CNIH3: variants seen among roughly 807,000 people sequenced by gnomAD.
The protein encoded by CNIH3 is cornichon family AMPA receptor auxiliary protein 3, also known as protein cornichon homolog 3.
CNIH3 carries 14 observed loss-of-function variants against 24.1 expected under a neutral mutation model. The observed-to-expected ratio is 0.58, with a 90% CI of 0.38 to 0.91. The LOEUF (loss-of-function observed/expected upper bound fraction) is 0.91, where lower values mean the gene tolerates loss of function less well. Ranked by LOEUF, CNIH3 falls within the 40% of genes least tolerant of loss-of-function variation. The pLI is 0.00. For synonymous variants in CNIH3, 68 were observed against 73.8 expected, an observed-to-expected ratio of 0.92 and a Z score of 0.40; for missense variants, 178 against 196.8, an observed-to-expected ratio of 0.90 and a Z score of 0.57.
At chr1:224,596,900 C>T (rs1682003269) in intron 3 of CNIH3, among the ~76,000 whole-genome samples, 1 of 152,110 alleles carries the variant, frequency 6.6e-6, no homozygotes, top group Non-Finnish European at 1.5e-5. Context: ...CACCTGTAAT[C>T]CCAGCACTTT....
chr1:224,530,592 T>C (rs1251782080), intron 2 of CNIH3, among the ~76,000 whole-genome samples: 1 of 149,100 alleles, frequency 6.7e-6, no homozygotes, highest in African/African-American at 2.5e-5. Context: ...CCTACATTTC[T>C]TTTTTTTTTC....
At chr1:224,722,542 C>T (rs555017577) in intron 3 of CNIH3, among the ~76,000 whole-genome samples, 80 of 152,152 alleles carry the variant, frequency 5.3e-4, no homozygotes, top group African/African-American at 1.9e-3. Context: ...TAACAAGATC[C>T]CAGGAGAAAC....
At chr1:224,579,220 A>G (rs1228690718) in intron 4 of CNIH3, among the ~76,000 whole-genome samples, 1 of 151,754 alleles carries the variant, frequency 6.6e-6, no homozygotes, top group Non-Finnish European at 1.5e-5. Context: ...TTGTCTTTTC[A>G]TAAGCTCTGT....
intron 2 of CNIH3, among the ~76,000 whole-genome samples, chr1:224,524,554 G>A (rs1388047906): frequency 6.6e-6 from 1 of 152,098 alleles, no homozygotes; most frequent in Non-Finnish European, 1.5e-5. Context: ...CAAAAACAGG[G>A]GCATAATTTT....
chr1:224,710,697 A>G (rs1363650985), intron 3 of CNIH3, among the ~76,000 whole-genome samples: 1 of 152,198 alleles, frequency 6.6e-6, no homozygotes, highest in Non-Finnish European at 1.5e-5. Context: ...AGAGAGATGC[A>G]TAAGTTACAG....
At chr1:224,574,950 T>G (rs1558174690) in intron 4 of CNIH3, 4 of 907,880 alleles carry the variant, frequency 4.4e-6, no homozygotes, top group Admixed American at 1.7e-5. Flanking sequence ...TGAGAGGATC[T>G]TAAACAAACC....
At chr1:224,695,394 A>C (rs915258953) in intron 3 of CNIH3, among the ~76,000 whole-genome samples, 9 of 124,218 alleles carry the variant, frequency 7.2e-5, no homozygotes, top group African/African-American at 2.1e-4. Context: ...ACACACACAC[A>C]CCCCTGTTGG....
rs189134215 is a variant in CNIH3, at chr1:224,709,158, G to A, written c.199-21304G>A. ...CACTTGTGCTCCTGAGTAAGTGTGGGCTCTCCCCTAAGTGTGGGCCCTCCC... is the reference window on the plus strand; with the variant it reads ...CACTTGTGCTCCTGAGTAAGTGTGGACTCTCCCCTAAGTGTGGGCCCTCCC... On this transcript the variant is annotated intron_variant, in intron 3 of 5. Transcript: ENST00000272133. 2.4e-3 allele frequency among the ~76,000 whole-genome samples: 352 copies of A among 149,598 alleles called. 2 individuals are homozygous for A. In the Middle Eastern group the frequency reaches 0.027, roughly 12 times the overall value.
At chr1:224,603,748 G>A (rs776365757) in intron 3 of CNIH3, among the ~76,000 whole-genome samples, 17 of 152,050 alleles carry the variant, frequency 1.1e-4, no homozygotes, top group Admixed American at 2.6e-4. Flanking sequence ...TTGTACTGAC[G>A]CTTGCACGGT....
chr1:224,633,848 C>T (rs924362), intron 1 of CNIH3, among the ~76,000 whole-genome samples: 67,941 of 152,082 alleles, frequency 0.45, 15,449 homozygotes, highest in East Asian at 0.6. Context: ...ATCACTGCTT[C>T]GGCTCTTTGG....
At chr1:224,541,868 A>C (rs145828773), downstream of CNIH3, among the ~76,000 whole-genome samples, 38 of 152,310 alleles carry the variant, frequency 2.5e-4, no homozygotes, top group Non-Finnish European at 2.9e-4. Context: ...AAAAAATCTT[A>C]ATGTCTCTCA....
At chr1:224,605,784 T>A (rs1168314530) in intron 3 of CNIH3, among the ~76,000 whole-genome samples, 2 of 152,058 alleles carry the variant, frequency 1.3e-5, no homozygotes, top group Non-Finnish European at 2.9e-5. Context: ...CCCCTACTAA[T>A]CAGCATTTTC....
chr1:224,610,971 T>C (rs915668839), intron 3 of CNIH3, among the ~76,000 whole-genome samples: 1 of 152,196 alleles, frequency 6.6e-6, no homozygotes, highest in African/African-American at 2.4e-5. Context: ...AAAACCTGAC[T>C]AGAGCAGTAT....
chr1:224,567,291 G>A (rs1680621304), intron 4 of CNIH3, among the ~76,000 whole-genome samples: 1 of 152,118 alleles, frequency 6.6e-6, no homozygotes, highest in Non-Finnish European at 1.5e-5. Context: ...TGGATAGATT[G>A]CAAAAATTTT....
At chr1:224,680,489 A>G (rs1686347199) in intron 1 of CNIH3, among the ~76,000 whole-genome samples, 2 of 152,168 alleles carry the variant, frequency 1.3e-5, no homozygotes, top group South Asian at 2.1e-4. Context: ...GGTTATTTCT[A>G]TTACTGTCAA....
At chr1:224,479,279 A>G (rs1318116424) in intron 1 of CNIH3, among the ~76,000 whole-genome samples, 2 of 148,828 alleles carry the variant, frequency 1.3e-5, no homozygotes, top group Non-Finnish European at 3.0e-5. Flanking sequence ...TCAGCCTCCC[A>G]AGTAGCTGGG....
At chr1:224,658,563 A>C (rs1685203128) in intron 1 of CNIH3, among the ~76,000 whole-genome samples, 1 of 151,954 alleles carries the variant, frequency 6.6e-6, no homozygotes, top group African/African-American at 2.4e-5. Flanking sequence ...GGTCATAGTC[A>C]CTATGGAATA....
chr1:224,618,948 C>G (rs1030372755), intron 1 of CNIH3, among the ~76,000 whole-genome samples: 1 of 152,206 alleles, frequency 6.6e-6, no homozygotes, highest in Non-Finnish European at 1.5e-5. Flanking sequence ...AGATCATGCC[C>G]AAGCAGTGCA....
At chr1:224,653,398 G>A (rs1420694994) in intron 1 of CNIH3, among the ~76,000 whole-genome samples, 1 of 147,956 alleles carries the variant, frequency 6.8e-6, no homozygotes, top group Non-Finnish European at 1.5e-5. Context: ...CTCCAGCCTG[G>A]GCAGCAAGAG....
Sources: allele counts gnomAD v4.1 joint callset (sites outside exome capture counted in the v4.1 genomes callset), GRCh38; gene constraint gnomAD v4.1.1; transcripts MANE v1.5; gene names NCBI Gene and HGNC (gene_info 2026-07-23, HGNC 2026-07-21).